Variants in NKAIN4 observed in about 807,000 individuals in gnomAD.
NKAIN4 encodes the protein sodium/potassium transporting ATPase interacting 4.
In NKAIN4, 28 loss-of-function variants were observed where a neutral mutation model predicts 28.8. That is an observed-to-expected ratio of 0.97 (90% CI 0.72 to 1.33). The LOEUF (loss-of-function observed/expected upper bound fraction) is 1.33, where lower values mean the gene tolerates loss of function less well. Ranked by LOEUF, NKAIN4 falls within the 40% of genes most tolerant of loss-of-function variation. NKAIN4 has a pLI of 0.00. For synonymous variants in NKAIN4, 122 were observed against 115.6 expected (o/e 1.06, Z -0.36); for missense variants, 289 against 277.2 (o/e 1.04, Z -0.30).
intron 1 of NKAIN4, 173 bp downstream of exon 1, chr20:63,254,224 G>T: frequency 2.0e-6 from 1 of 504,902 alleles, no homozygotes; most frequent in Non-Finnish European, 3.2e-6. Context: ...CCCACGCCCC[G>T]CAGGCGACGC....
At chr20:63,246,249 C>G (rs1014238931) in intron 4 of NKAIN4, among the ~76,000 whole-genome samples, 1 of 152,196 alleles carries the variant, frequency 6.6e-6, no homozygotes, top group Non-Finnish European at 1.5e-5. Context: ...CTGTTGCCTC[C>G]TCACAAAGCC....
Position 63,241,264 on chromosome 20 carries a change from CTTT to C in NKAIN4, c.*230_*232del, listed in dbSNP as rs530047912. On this transcript the variant is annotated 3_prime_UTR_variant, in exon 7 of 7. Transcript: ENST00000370316. Reference sequence around the variant, plus strand: ...CCTTTTCTTTTGTATGTTTTCTTTTCTTTTTTTTTTTTAAGAGAAAGGAAATTA... The same window carrying C: ...CCTTTTCTTTTGTATGTTTTCTTTTCTTTTTTTTTAAGAGAAAGGAAATTA... 10 of 461,918 alleles carry C rather than the reference CTTT, an allele frequency of 2.2e-5. No homozygotes were observed. The highest frequency in any genetic ancestry group is 3.9e-5 in the East Asian group (1 of 25,820). The allele number at this position is 461,918 out of a possible 1,614,324, so 28.6% of individuals were successfully genotyped here. A position where few individuals can be genotyped will look rare whatever the true frequency, so the allele number is the denominator to read the frequency against.
chr20:63,244,059 T>G lies in NKAIN4; in HGVS notation c.497A>C (p.Gln166Pro). The G allele has an allele frequency of 6.2e-7, 1 of 1,613,802 alleles. No individual in the cohort carries two copies. Among genetic ancestry groups the G allele is most frequent in the Non-Finnish European group, 8.5e-7 (1 of 1,179,884 alleles). Reference protein sequence around the residue: ...IALLGFVCGCQVVSVFTEEED... With the variant: ...IALLGFVCGCPVVSVFTEEED... The stretch of plus-strand genomic sequence containing the variant: ...TTCCTCCGTAAACACGCTGACCACC[T>G]GGCAGCCACAGACAAAGCCCAGAAG... Residue 166 changes from glutamine to proline, a missense_variant, in exon 5 of 7, where the codon CAG (glutamine) becomes CCG (proline). Coordinates refer to ENST00000370316, the MANE Select transcript of NKAIN4 (RefSeq NM_152864.4).
At position 63,247,896 on chromosome 20, in the gene NKAIN4, C is replaced by CT; in HGVS notation, c.274-122dup. On this transcript the variant is annotated intron_variant, in intron 3 of 6. Coordinates refer to ENST00000370316, the MANE Select transcript of NKAIN4 (RefSeq NM_152864.4). ...GGGAGGTCCTGTCCTCTCACCTCCC[C>CT]TGTCCTCCCACTGCACCCCGCCCCC... 2.3e-6 allele frequency: 3 copies of CT among 1,315,958 alleles called. No individual in the cohort carries two copies. In the South Asian group the frequency reaches 6.8e-5, roughly 30 times the overall value. 81.5% of individuals were successfully genotyped at this position (1,315,958 alleles called of 1,614,324 possible).
At chr20:63,244,116 C>T (rs537794224) in intron 4 of NKAIN4, 32 bp from the exon 5 acceptor site, 131 of 1,590,140 alleles carry the variant, frequency 8.2e-5, no homozygotes, top group South Asian at 5.2e-4. Context: ...GGCGTGAGTG[C>T]GGCCAGGCGA....
In NKAIN4 at chr20:63,253,202, T is replaced by C. The variant is rs1296812746; in HGVS notation, c.54+1195A>G. 4 of 984,982 alleles carry C rather than the reference T, an allele frequency of 4.1e-6. No homozygotes were observed. The African/African-American group carries it at 7.0e-5, about 17-fold the overall frequency. 61.0% of individuals were successfully genotyped at this position (984,982 alleles called of 1,614,324 possible). ...CCAGTCTCCTAAGGGACTCCTGCCA[T>C]TGAGGAGCCACTCACTGAAAGATAC... On this transcript the variant is annotated intron_variant, in intron 1 of 6. Coordinates refer to ENST00000370316, the MANE Select transcript of NKAIN4 (RefSeq NM_152864.4).
At position 63,250,018 on chromosome 20, in the gene NKAIN4, T is replaced by A; in HGVS notation, c.109A>T (p.Ile37Phe). 1 of 1,609,120 alleles carries A rather than the reference T, an allele frequency of 6.2e-7. No homozygotes were observed. The highest frequency in any genetic ancestry group is 8.5e-7 in the Non-Finnish European group (1 of 1,178,170). ...ATGATGTGGACAAAGTTGGCCAGGA[T>A]GGGCGCCCACTGGTAGCCCAGGAAG... Reference protein sequence around the residue: ...FDFLGYQWAPILANFVHIIIV... With the variant: ...FDFLGYQWAPFLANFVHIIIV... The change falls in exon 2 of 7, where the codon ATC becomes TTC. Residue 37 changes from isoleucine (I) to phenylalanine (F), a missense_variant. By Grantham distance (21) the Ile-to-Phe change is conservative (BLOSUM62 0). Coordinates refer to ENST00000370316, the MANE Select transcript of NKAIN4 (RefSeq NM_152864.4).
chr20:63,250,492 G>A (rs758794525), intron 1 of NKAIN4, among the ~76,000 whole-genome samples: 1 of 152,172 alleles, frequency 6.6e-6, no homozygotes, highest in South Asian at 2.1e-4. Flanking sequence ...ACGCCACTCG[G>A]GGGGGTCGGA....
In NKAIN4 at chr20:63,244,098, C is replaced by A; in HGVS notation, c.472-14G>T. The stretch of plus-strand genomic sequence containing the variant: ...AAAGCCCAGAAGCTGAAAGACACCA[C>A]AGGCAGGGGCGTGAGTGCGGCCAGG... On this transcript the variant is annotated splice_polypyrimidine_tract_variant and intron_variant, in intron 4 of 6. Coordinates refer to ENST00000370316, the MANE Select transcript of NKAIN4 (RefSeq NM_152864.4). 6.2e-7 allele frequency: 1 copy of A among 1,611,794 alleles called. No homozygotes were observed. Among genetic ancestry groups the A allele is most frequent in the Non-Finnish European group, 8.5e-7 (1 of 1,179,118 alleles).
intron 1 of NKAIN4, chr20:63,254,048 C>G (rs1027354854): frequency 1.1e-5 from 3 of 275,642 alleles, no homozygotes; most frequent in Non-Finnish European, 2.1e-5. Context: ...GGGGCGCACC[C>G]GGGGCCACAC....
rs61072358 is a variant in NKAIN4, at chr20:63,251,165, G to GGA, written c.55-1095_55-1094dup. Among the ~76,000 whole-genome samples, 32 of 151,190 alleles carry GGA rather than the reference G, an allele frequency of 2.1e-4. No homozygotes were observed. The South Asian group carries it at 2.9e-3, about 14-fold the overall frequency. On this transcript the variant is annotated intron_variant, in intron 1 of 6. Transcript: ENST00000370316. Reference sequence around the variant, plus strand: ...GCCTGGCAGCCGAGGCAGAGAGAGAGGAGAGAGAGAGAGAGAGACAGCTTA... The same window carrying GGA: ...GCCTGGCAGCCGAGGCAGAGAGAGAGGAGAGAGAGAGAGAGAGAGACAGCTTA...
intron 3 of NKAIN4, 36 bp from the exon 4 acceptor site, chr20:63,247,811 C>G (rs1226176695): frequency 7.0e-7 from 1 of 1,422,232 alleles, no homozygotes; most frequent in East Asian, 2.6e-5. Context: ...CCGGTTAGCA[C>G]CAGGAGGTGG....
rs551859560 is a variant in NKAIN4 at position 63,244,013 on chromosome 20, C to T, written c.532+11G>A. On this transcript the variant is annotated intron_variant, in intron 5 of 6. Coordinates refer to ENST00000370316, the MANE Select transcript of NKAIN4 (RefSeq NM_152864.4). ...CTCCCGCCCCACTGCCTGCAGAGGC[C>T]CCATACTCACAGCTGTCCTCTTCCT... is the stretch of plus-strand genomic sequence containing the variant. 190 of 1,611,004 alleles carry T rather than the reference C, an allele frequency of 1.2e-4. 2 individuals carry two copies. The East Asian group carries it at 4.2e-3, about 36-fold the overall frequency.
In NKAIN4 at chr20:63,247,697, C is replaced by T. The variant is rs1472303147; in HGVS notation, c.352G>A (p.Glu118Lys). The change falls in exon 4 of 7, where the codon GAG becomes AAG. Residue 118 changes from glutamate (E) to lysine (K), a missense_variant. Physicochemically the swap from Glu to Lys is moderately conservative, Grantham distance 56. Coordinates refer to ENST00000370316, the MANE Select transcript of NKAIN4 (RefSeq NM_152864.4). The stretch of plus-strand genomic sequence containing the variant: ...GCCCCGAGGCCCACTGCTGGCACCT[C>T]CTCATGCAGACAGCCTGGCCAGCGC... ...RERWPGCLHE[E>K]VPAVGLGAPH... 6.5e-7 allele frequency: 1 copy of T among 1,532,488 alleles called. No individual in the cohort carries two copies. Among genetic ancestry groups the T allele is most frequent in the South Asian group, 1.2e-5 (1 of 80,982 alleles). The allele number at this position is 1,532,488 out of a possible 1,614,324, so 94.9% of individuals were successfully genotyped here.
chr20:63,254,621 C>T (rs987194398), upstream of NKAIN4: 9 of 462,024 alleles, frequency 1.9e-5, no homozygotes, highest in East Asian at 2.3e-4. Flanking sequence ...TGCGCTGCGT[C>T]TCCCCTCCCA....
At chr20:63,248,046 A>C in intron 3 of NKAIN4, 2 of 349,474 alleles carry the variant, frequency 5.7e-6, no homozygotes, top group Non-Finnish European at 1.0e-5. Flanking sequence ...ACTCGCTCTC[A>C]GGGGCACCGG....
chr20:63,242,789 G>GA (rs2066780774), intron 5 of NKAIN4, among the ~76,000 whole-genome samples, 166 bp from the exon 6 acceptor site: 1 of 150,640 alleles, frequency 6.6e-6, no homozygotes, highest in South Asian at 2.1e-4. Flanking sequence ...GGGGGGACGG[G>GA]GGGGGTGGGA....
rs1171713186 is a variant in NKAIN4 at position 63,241,815 on chromosome 20, T to C, written c.618-309A>G. The C allele has an allele frequency of 1.4e-5, 8 of 556,142 alleles. No homozygotes were observed. In the East Asian group the frequency reaches 2.7e-4, roughly 19 times the overall value. 34.5% of individuals were successfully genotyped at this position (556,142 alleles called of 1,614,324 possible). A position where few individuals can be genotyped will look rare whatever the true frequency, so the allele number is the denominator to read the frequency against. On this transcript the variant is annotated intron_variant, in intron 6 of 6. Transcript: ENST00000370316. ...GGGTCCCTGGCTCAGGGTCTGCGTG[T>C]GACCCCACCCCTTCCCAGGTCTTTA...
At chr20:63,250,497 G>A (rs1008121265) in intron 1 of NKAIN4, among the ~76,000 whole-genome samples, 2 of 152,162 alleles carry the variant, frequency 1.3e-5, no homozygotes, top group Non-Finnish European at 2.9e-5. Context: ...ACTCGGGGGG[G>A]TCGGATGGCC....
Sources: gnomAD v4.1 joint callset for allele counts (sites outside exome capture counted in the v4.1 genomes callset) on GRCh38, gnomAD v4.1.1 for gene constraint, MANE v1.5 for transcripts, NCBI Gene and HGNC (gene_info 2026-07-23, HGNC 2026-07-21) for gene names.